Variants in FUT8 observed in about 807,000 individuals in gnomAD.
The protein encoded by FUT8 is fucosyltransferase 8, also known as alpha-(1,6)-fucosyltransferase.
FUT8 carries 29 observed loss-of-function variants against 71.3 expected under a neutral mutation model. The ratio of observed to expected loss-of-function variants is 0.41; its 90% confidence interval spans 0.30 to 0.55. The LOEUF (loss-of-function observed/expected upper bound fraction) is 0.55, where lower values mean the gene tolerates loss of function less well. FUT8 is among the 20% of genes least tolerant of loss of function. FUT8 has a pLI of 0.34. For synonymous variants in FUT8, 254 were observed against 239.3 expected (o/e 1.06, Z -0.57); for missense variants, 544 against 702.1 (o/e 0.77, Z 2.55).
At chr14:65,408,434 T>C (rs1196332784), upstream of FUT8, among the ~76,000 whole-genome samples, 4 of 152,244 alleles carry the variant, frequency 2.6e-5, no homozygotes, top group South Asian at 8.3e-4. Flanking sequence ...AAAAATATAA[T>C]CTTTTTGTAT....
At chr14:65,386,654 AATTTT>A in the FUT8 span, among the ~76,000 whole-genome samples, 1 of 151,702 alleles carries the variant, frequency 6.6e-6, no homozygotes, top group Non-Finnish European at 1.5e-5. Flanking sequence ...TTTGTCTACC[AATTTT>A]ATTTATTACC....
At chr14:65,565,206 A>G (rs1886125920) in intron 3 of FUT8, among the ~76,000 whole-genome samples, 1 of 151,898 alleles carries the variant, frequency 6.6e-6, no homozygotes, top group Admixed American at 6.6e-5. Context: ...TTCCCATGAG[A>G]AGGAGAACTC....
the FUT8 span, among the ~76,000 whole-genome samples, chr14:65,367,272 C>T: frequency 7.2e-3 from 1,097 of 152,276 alleles, 16 homozygotes; most frequent in African/African-American, 0.024. Context: ...AAAGTGGCAT[C>T]TCATTAAGGA....
chr14:65,410,536 C>A (rs2065111086), upstream of FUT8: 1 of 145,980 alleles, frequency 6.9e-6, no homozygotes, highest in Non-Finnish European at 1.5e-5. Context: ...CTGTTCTATA[C>A]AAATGCACCA....
At chr14:65,523,375 A>T (rs766848180) in intron 2 of FUT8, among the ~76,000 whole-genome samples, 76 of 152,142 alleles carry the variant, frequency 5.0e-4, no homozygotes, top group Non-Finnish European at 9.9e-4. Context: ...ATGTCTTCTT[A>T]TGAGAAGTGT....
chr14:65,517,032 G>T (rs1272054094), intron 2 of FUT8, among the ~76,000 whole-genome samples: 1 of 151,356 alleles, frequency 6.6e-6, no homozygotes, highest in African/African-American at 2.4e-5. Flanking sequence ...CCATATTGTA[G>T]CATGTATCAG....
At chr14:65,605,877 G>C (rs1888556857) in intron 3 of FUT8, among the ~76,000 whole-genome samples, 1 of 151,782 alleles carries the variant, frequency 6.6e-6, no homozygotes, top group Non-Finnish European at 1.5e-5. Flanking sequence ...GATTACTGAT[G>C]AATGAAGTCC....
At chr14:65,473,937 A>G (rs941042518) in intron 2 of FUT8, among the ~76,000 whole-genome samples, 1 of 152,216 alleles carries the variant, frequency 6.6e-6, no homozygotes, top group East Asian at 1.9e-4. Context: ...CTATACAGGT[A>G]TATGTACACC....
intron 1 of FUT8, among the ~76,000 whole-genome samples, chr14:65,422,716 C>T (rs1418192626): frequency 6.6e-6 from 1 of 151,972 alleles, no homozygotes; most frequent in Non-Finnish European, 1.5e-5. Context: ...CTGTGTTGCC[C>T]AGTCTGGTCT....
intron 6 of FUT8, among the ~76,000 whole-genome samples, chr14:65,657,324 GTA>G (rs777089308): frequency 5.3e-5 from 8 of 152,198 alleles, no homozygotes; most frequent in Admixed American, 2.0e-4. Context: ...CAGCTGCTGG[GTA>G]TATAATGAAA....
At chr14:65,541,960 G>A (rs1158722116) in intron 2 of FUT8, among the ~76,000 whole-genome samples, 1 of 152,150 alleles carries the variant, frequency 6.6e-6, no homozygotes, top group African/African-American at 2.4e-5. Context: ...GAAAAAAGCT[G>A]CCATTGATTC....
intron 6 of FUT8, among the ~76,000 whole-genome samples, chr14:65,645,200 A>G (rs1319864627): frequency 6.6e-6 from 1 of 152,212 alleles, no homozygotes; most frequent in African/African-American, 2.4e-5. Context: ...TTCACATGGA[A>G]TCTGTGAATA....
At chr14:65,588,145 A>C (rs183539030) in intron 3 of FUT8, among the ~76,000 whole-genome samples, 1 of 151,616 alleles carries the variant, frequency 6.6e-6, no homozygotes, top group Non-Finnish European at 1.5e-5. Flanking sequence ...ATTTTCCACT[A>C]CTCCTCCTTC....
chr14:65,670,828 G>T (rs1161860197), intron 7 of FUT8, among the ~76,000 whole-genome samples: 1 of 152,128 alleles, frequency 6.6e-6, no homozygotes, highest in Non-Finnish European at 1.5e-5. Context: ...GTCCTGTATG[G>T]ATTAAAAGTA....
At position 65,568,378 on chromosome 14, in the gene FUT8, A is replaced by G. The variant is rs149260236; in HGVS notation, c.203+6612A>G. On this transcript the variant is annotated intron_variant, in intron 3 of 10. Transcript: ENST00000673929. Reference sequence around the variant, plus strand: ...TCTGTGCTTTTTTTTTCTTTATTGTATATCTGTTTTCTATTTTATTTTCTT... The same window carrying G: ...TCTGTGCTTTTTTTTTCTTTATTGTGTATCTGTTTTCTATTTTATTTTCTT... Among the ~76,000 whole-genome samples, 255 of 149,762 alleles carry G rather than the reference A, an allele frequency of 1.7e-3. 1 individual carries two copies. The highest frequency in any genetic ancestry group is 5.8e-3 in the African/African-American group (236 of 40,856).
At chr14:65,589,990 A>G (rs146230234) in intron 3 of FUT8, among the ~76,000 whole-genome samples, 3 of 152,346 alleles carry the variant, frequency 2.0e-5, no homozygotes, top group East Asian at 1.9e-4. Flanking sequence ...TCTAGAGGTA[A>G]CATCTTCTAT....
Position 65,468,846 on chromosome 14 carries a change from G to A in FUT8, c.-228+13128G>A, listed in dbSNP as rs115220166. 6.4e-3 allele frequency among the ~76,000 whole-genome samples: 975 copies of A among 152,058 alleles called. 17 individuals carry two copies. Among genetic ancestry groups the A allele is most frequent in the African/African-American group, 0.022 (902 of 41,442 alleles). On this transcript the variant is annotated intron_variant, in intron 2 of 10. Transcript: ENST00000673929. ...ATCTCACTCTGTCACCCTGGCTGGAGTGCAGTAGTGGCGTGATCATAACTC... is the reference window on the plus strand; with the variant it reads ...ATCTCACTCTGTCACCCTGGCTGGAATGCAGTAGTGGCGTGATCATAACTC...
rs1594810728 is a variant in FUT8, at chr14:65,607,015, T to G, written c.204-8963T>G. Among the ~76,000 whole-genome samples, 2 of 151,960 alleles carry G rather than the reference T, an allele frequency of 1.3e-5. No homozygotes were observed. The highest frequency in any genetic ancestry group is 3.8e-4 in the East Asian group (2 of 5,206). ...GTGATATTTTAAAAAACACATTTAGTAATTTGTGGTTGTTGTTGTATAGAG... is the reference window on the plus strand; with the variant it reads ...GTGATATTTTAAAAAACACATTTAGGAATTTGTGGTTGTTGTTGTATAGAG... On this transcript the variant is annotated intron_variant, in intron 3 of 10. Transcript: ENST00000673929. The surrounding 1 kb of genome is among the most constrained non-coding windows in gnomAD (Gnocchi z 4.1).
chr14:65,538,718 G>A (rs1429026837), intron 2 of FUT8, among the ~76,000 whole-genome samples: 1 of 152,124 alleles, frequency 6.6e-6, no homozygotes, highest in African/African-American at 2.4e-5. Flanking sequence ...TCAGGAGTTC[G>A]AGACCAGCCT....
Sources: gnomAD v4.1 joint callset for allele counts (sites outside exome capture counted in the v4.1 genomes callset) on GRCh38, gnomAD v4.1.1 for gene constraint, Gnocchi (gnomAD v3.1) non-coding constraint, MANE v1.5 for transcripts, NCBI Gene and HGNC (gene_info 2026-07-23, HGNC 2026-07-21) for gene names.